The following CCDC88B variants were observed in gnomAD, a reference collection of about 807,000 sequenced individuals.
The protein encoded by CCDC88B is coiled-coil domain-containing protein 88B.
Under a neutral mutation model 183.7 loss-of-function variants are expected in CCDC88B, and 138 were observed. That is an observed-to-expected ratio of 0.75 (90% CI 0.65 to 0.87). The LOEUF (loss-of-function observed/expected upper bound fraction) is 0.87. Ranked by LOEUF, CCDC88B falls within the 40% of genes least tolerant of loss-of-function variation. The pLI is 0.00. For missense variants in CCDC88B, 1,822 were observed against 1,965.6 expected (o/e 0.93, Z 1.38); for synonymous variants, 835 against 867.5 (o/e 0.96, Z 0.66).
intron 26 of CCDC88B, 133 bp from the exon 27 acceptor site, chr11:64,356,906 A>T: frequency 1.3e-6 from 1 of 795,404 alleles, no homozygotes; most frequent in Non-Finnish European, 2.1e-6. Flanking sequence ...AGGGAACAGC[A>T]GGCGTGGTGC....
chr11:64,340,368 C>T, intron 1 of CCDC88B, 42 bp downstream of exon 1: 1 of 1,284,270 alleles, frequency 7.8e-7, no homozygotes, highest in Non-Finnish European at 1.0e-6. Flanking sequence ...GGGAAGTGAG[C>T]CCCAGCCAGG....
chr11:64,345,491 C>T (rs1015362876), intron 14 of CCDC88B, among the ~76,000 whole-genome samples: 6 of 152,112 alleles, frequency 3.9e-5, no homozygotes, highest in African/African-American at 1.4e-4. Flanking sequence ...TTAGGAGGAC[C>T]TTGGGAGACA....
rs1591277598 is a variant in CCDC88B, at chr11:64,342,666, A to T, written c.1048A>T (p.Lys350Ter). Residue 350 changes from lysine to a stop codon, truncating the protein, a stop_gained, in exon 10 of 27, where the codon AAG (lysine) becomes TAG (stop). Transcript: ENST00000356786. LOFTEE classifies it high-confidence loss of function. ...GCGGCTGCAGGCGGCTGAGGCCTAC[A>T]AGAGTCAGCTGGAGGTGAGGCGGAG... ...RERLQAAEAY[K>*]SQLEEERVLS... is the part of the protein sequence containing the mutation. The T allele has an allele frequency of 6.6e-7, 1 of 1,504,216 alleles. No homozygotes were observed. Among genetic ancestry groups the T allele is most frequent in the Non-Finnish European group, 8.8e-7 (1 of 1,133,058 alleles). The allele number at this position is 1,504,216 out of a possible 1,614,324, so 93.2% of individuals were successfully genotyped here.
Position 64,340,987 on chromosome 11 carries a change from A to G in CCDC88B, c.287A>G (p.His96Arg). 1.2e-6 allele frequency: 2 copies of G among 1,607,476 alleles called. No individual in the cohort carries two copies. Among genetic ancestry groups the G allele is most frequent in the Non-Finnish European group, 1.7e-6 (2 of 1,176,402 alleles). Residue 96 changes from histidine (H) to arginine (R), a missense_variant, in exon 3 of 27, where the codon CAC becomes CGC. His to Arg is a conservative substitution (Grantham distance 29). Transcript: ENST00000356786. ...GCCTGGCGAGTGTGGAACCTGAACC[A>G]CCTGTGGGGCCGACTGAGGGACTTC... Reference protein sequence around the residue: ...PAAWRVWNLNHLWGRLRDFYQ... With the variant: ...PAAWRVWNLNRLWGRLRDFYQ...
rs764888743 is a variant in CCDC88B, at chr11:64,340,981, T to A, written c.281T>A (p.Leu94Gln). 2.4e-5 allele frequency: 39 copies of A among 1,606,498 alleles called. No homozygotes were observed. The highest frequency in any genetic ancestry group is 2.6e-5 in the Non-Finnish European group (30 of 1,175,846). The change falls in exon 3 of 27, where the codon CTG becomes CAG. Residue 94 changes from leucine (L) to glutamine (Q), a missense_variant. Physicochemically the swap from Leu to Gln is moderately radical, Grantham distance 113. Transcript: ENST00000356786. ...CCTGCTGCCTGGCGAGTGTGGAACC[T>A]GAACCACCTGTGGGGCCGACTGAGG... Reference protein sequence around the residue: ...DGPAAWRVWNLNHLWGRLRDF... With the variant: ...DGPAAWRVWNQNHLWGRLRDF...
Position 64,353,419 on chromosome 11 carries a change from G to C in CCDC88B, c.3756G>C (p.Leu1252=), listed in dbSNP as rs1471787348. ...NRQLLAEVQA[L]SRENRELLER... The stretch of plus-strand genomic sequence containing the variant: ...AGCTGCTGGCTGAAGTTCAGGCCCT[G>C]AGCCGGGAGAACAGGGAGCTCCTGG... Residue 1252 remains leucine (L), a synonymous_variant, in exon 22 of 27, where the codon CTG becomes CTC. Transcript: ENST00000356786. 6.2e-7 allele frequency: 1 copy of C among 1,613,398 alleles called. No individual in the cohort carries two copies. Among genetic ancestry groups the C allele is most frequent in the South Asian group, 1.1e-5 (1 of 91,066 alleles).
Position 64,341,667 on chromosome 11 carries a change from C to T in CCDC88B, c.600C>T (p.Ala200=). The T allele has an allele frequency of 6.2e-7, 1 of 1,608,090 alleles. No individual in the cohort carries two copies. Among genetic ancestry groups the T allele is most frequent in the Non-Finnish European group, 8.5e-7 (1 of 1,177,488 alleles). The change falls in exon 7 of 27, where the codon GCC becomes GCT. Residue 200 remains alanine, a synonymous_variant. Transcript: ENST00000356786. ...CAGATCCTGGGGAGCTGGCACCTGC[C>T]GAGCTGGAGATGCTGTCCCGGAGCC... The part of the protein sequence containing the change: ...SGPDPGELAP[A]ELEMLSRSLM...
chr11:64,342,242 G>C, intron 8 of CCDC88B, 52 bp from the exon 9 acceptor site: 1 of 1,575,664 alleles, frequency 6.3e-7, no homozygotes, highest in South Asian at 1.2e-5. Context: ...GGCCTGGGAA[G>C]GGCTGGGGGT....
intron 9 of CCDC88B, 38 bp from the exon 10 acceptor site, chr11:64,342,484 G>T (rs1202023695): frequency 5.2e-6 from 8 of 1,529,526 alleles, no homozygotes; most frequent in Non-Finnish European, 7.0e-6. Flanking sequence ...CCTCTGGCCC[G>T]CGGCTGGCTG....
At position 64,341,411 on chromosome 11, in the gene CCDC88B, C is replaced by G. The variant is rs1035604338; in HGVS notation, c.448-10C>G. The G allele has an allele frequency of 1.2e-6, 2 of 1,613,880 alleles. No homozygotes were observed. Among genetic ancestry groups the G allele is most frequent in the South Asian group, 1.1e-5 (1 of 91,086 alleles). ...ATCCTGCACCAGCTCCCCTTCCTGT[C>G]TCCCCTCAGTGTGAGCACCGGGAAC... On this transcript the variant is annotated splice_polypyrimidine_tract_variant and intron_variant, in intron 5 of 26. Transcript: ENST00000356786.
intron 24 of CCDC88B, among the ~76,000 whole-genome samples, chr11:64,354,385 C>T (rs2036461374): frequency 1.3e-5 from 2 of 152,092 alleles, no homozygotes; most frequent in African/African-American, 2.4e-5. Context: ...CTGTCCCCGA[C>T]CCAGCCTGCC....
chr11:64,347,573 G>C lies in CCDC88B; in HGVS notation c.2617-1758G>C, dbSNP rs2036161948. On this transcript the variant is annotated intron_variant, in intron 14 of 26. Coordinates refer to ENST00000356786, the MANE Select transcript of CCDC88B (RefSeq NM_032251.6). Reference sequence around the variant, plus strand: ...AGGCGTTGTGCAAGACAGGCCCAGGGTAAGGGGGTTCTGGCGAATGTGAGA... The same window carrying C: ...AGGCGTTGTGCAAGACAGGCCCAGGCTAAGGGGGTTCTGGCGAATGTGAGA... 3.3e-5 allele frequency among the ~76,000 whole-genome samples: 5 copies of C among 152,204 alleles called. No homozygotes were observed. In the South Asian group the frequency reaches 1.0e-3, roughly 31 times the overall value.
Position 64,352,091 on chromosome 11 carries a change from T to A in CCDC88B, c.3100-39T>A, listed in dbSNP as rs200802099. The A allele has an allele frequency of 2.4e-4, 362 of 1,513,808 alleles. 2 individuals are homozygous for A. The African/African-American group carries it at 4.6e-3, about 19-fold the overall frequency. 93.8% of individuals were successfully genotyped at this position (1,513,808 alleles called of 1,614,324 possible). Reference sequence around the variant, plus strand: ...CTCTCACTCGATTTCCAGCCAGGGGTTCCTCCCCAGCAGCCCCTGCTTCCC... The same window carrying A: ...CTCTCACTCGATTTCCAGCCAGGGGATCCTCCCCAGCAGCCCCTGCTTCCC... On this transcript the variant is annotated intron_variant, in intron 18 of 26. Coordinates refer to ENST00000356786, the MANE Select transcript of CCDC88B (RefSeq NM_032251.6).
At chr11:64,342,821 C>T (rs1394295614) in intron 10 of CCDC88B, 141 bp downstream of exon 10, 37 of 1,043,098 alleles carry the variant, frequency 3.5e-5, no homozygotes, top group Admixed American at 6.4e-5. Context: ...AGGACAAATT[C>T]AGGGAGGTGG....
intron 24 of CCDC88B, among the ~76,000 whole-genome samples, chr11:64,354,854 T>A (rs1190834563): frequency 3.4e-5 from 1 of 29,832 alleles, no homozygotes; most frequent in Non-Finnish European, 5.9e-5. Context: ...CTCAGCCTCC[T>A]CCCCTCCTCT....
At chr11:64,351,780 A>G (rs2135312315) in intron 18 of CCDC88B, among the ~76,000 whole-genome samples, 164 bp downstream of exon 18, 1 of 151,626 alleles carries the variant, frequency 6.6e-6, no homozygotes, top group East Asian at 1.9e-4. Context: ...ATTTTGCACC[A>G]TCCTCCCTGC....
chr11:64,343,866 G>A lies in CCDC88B; in HGVS notation c.1407G>A (p.Arg469=). 2 of 1,605,500 alleles carry A rather than the reference G, an allele frequency of 1.2e-6. No homozygotes were observed. The highest frequency in any genetic ancestry group is 8.5e-7 in the Non-Finnish European group (1 of 1,176,488). The change falls in exon 13 of 27, where the codon CGG becomes CGA. Residue 469 remains arginine, a synonymous_variant. Transcript: ENST00000356786. The part of the protein sequence containing the change: ...GRLRTLEREN[R]ELRGLLQVLQ... Reference sequence around the variant, plus strand: ...TTCGGACCCTTGAGAGGGAGAACCGGGAGCTTCGGGGGCTGCTTCAGGTGC... The same window carrying A: ...TTCGGACCCTTGAGAGGGAGAACCGAGAGCTTCGGGGGCTGCTTCAGGTGC...
In CCDC88B at chr11:64,343,310, G is replaced by C. The variant is rs769613676; in HGVS notation, c.1194G>C (p.Leu398=). 164 of 1,550,456 alleles carry C rather than the reference G, an allele frequency of 1.1e-4. 1 individual carries two copies. In the South Asian group the frequency reaches 1.8e-3, roughly 17 times the overall value. ...QRENLLLRTR[L]GEAHAELDSL... ...AGAACCTGCTGCTGCGAACCCGGCT[G>C]GGCGAGGCCCATGCGGTAAGGTAGC... The change falls in exon 11 of 27, where the codon CTG becomes CTC. Residue 398 remains leucine, a synonymous_variant. Coordinates refer to ENST00000356786, the MANE Select transcript of CCDC88B (RefSeq NM_032251.6).
rs778460006 is a variant in CCDC88B, at chr11:64,351,531, A to T, written c.3014A>T (p.Glu1005Val). 1 of 1,576,644 alleles carries T rather than the reference A, an allele frequency of 6.3e-7. No homozygotes were observed. Among genetic ancestry groups the T allele is most frequent in the Non-Finnish European group, 8.6e-7 (1 of 1,169,306 alleles). Residue 1005 changes from glutamate (E) to valine (V), a missense_variant, in exon 18 of 27, where the codon GAG (glutamate) becomes GTG (valine). Glu to Val is a moderately radical substitution (Grantham distance 121, BLOSUM62 -2). Coordinates refer to ENST00000356786, the MANE Select transcript of CCDC88B (RefSeq NM_032251.6). ...AALQGQLQHL[E>V]GQLGSLQGRA... ...TTGCAGGGGCAGCTGCAGCACCTGG[A>T]GGGGCAGCTGGGGAGCCTGCAGGGC...
Sources: gnomAD v4.1 joint callset for allele counts (sites outside exome capture counted in the v4.1 genomes callset) on GRCh38, gnomAD v4.1.1 for gene constraint, MANE v1.5 for transcripts, NCBI Gene and HGNC (gene_info 2026-07-23, HGNC 2026-07-21) for gene names.